The following FSTL4 variants were observed in gnomAD, a reference collection of about 807,000 sequenced individuals.
FSTL4 encodes the protein follistatin-related protein 4.
FSTL4 carries 28 observed loss-of-function variants against 78.2 expected under a neutral mutation model. The observed-to-expected ratio is 0.36, with a 90% CI of 0.27 to 0.49. The LOEUF is 0.49. FSTL4 is among the 20% of genes least tolerant of loss of function. The probability of loss-of-function intolerance (pLI) is 0.98; values close to 1 mark genes in which losing one functional copy is unlikely to be tolerated. For missense variants in FSTL4, 922 were observed against 1,084.9 expected (o/e 0.85, Z 2.11); for synonymous variants, 422 against 440.5 (o/e 0.96, Z 0.53).
At chr5:133,504,432 G>A (rs1758569592) in intron 3 of FSTL4, among the ~76,000 whole-genome samples, 1 of 152,070 alleles carries the variant, frequency 6.6e-6, no homozygotes, top group Non-Finnish European at 1.5e-5. Context: ...GCTCTTCTAG[G>A]TTATTATAGT....
intron 3 of FSTL4, among the ~76,000 whole-genome samples, chr5:133,517,089 T>C (rs1171579556): frequency 1.4e-5 from 2 of 141,054 alleles, no homozygotes; most frequent in African/African-American, 2.7e-5. Flanking sequence ...AAAAAAAAAA[T>C]CGGCCTTATA....
chr5:133,685,400 C>G, the FSTL4 span, among the ~76,000 whole-genome samples: 12 of 152,282 alleles, frequency 7.9e-5, no homozygotes, highest in African/African-American at 2.9e-4. Flanking sequence ...CTAAAATGGT[C>G]CAAAGAGAAA....
the FSTL4 span, among the ~76,000 whole-genome samples, chr5:133,746,501 C>A: frequency 1.3e-5 from 2 of 152,056 alleles, no homozygotes; most frequent in Non-Finnish European, 2.9e-5. Flanking sequence ...AAAGTGCTTT[C>A]CAGAAATAGT....
chr5:133,439,331 C>T (rs934193328), intron 3 of FSTL4, among the ~76,000 whole-genome samples: 2 of 152,042 alleles, frequency 1.3e-5, no homozygotes, highest in African/African-American at 2.4e-5. Flanking sequence ...TTGACATGAC[C>T]GGGCCCAAAC....
chr5:133,712,199 A>C, the FSTL4 span, among the ~76,000 whole-genome samples: 1 of 152,264 alleles, frequency 6.6e-6, no homozygotes. Flanking sequence ...GTTTCCCATT[A>C]GCTCTAATGG....
the FSTL4 span, among the ~76,000 whole-genome samples, chr5:133,776,936 A>G: frequency 6.6e-6 from 1 of 152,098 alleles, no homozygotes. Flanking sequence ...TGTATGGCCT[A>G]CCCCTTTGTG....
Position 133,611,903 on chromosome 5 carries a change from C to T in FSTL4, c.-11+422G>A, listed in dbSNP as rs1181659505. Among the ~76,000 whole-genome samples the T allele has an allele frequency of 3.3e-5, 5 of 152,144 alleles. No homozygotes were observed. The East Asian group carries it at 7.8e-4, about 24-fold the overall frequency. Reference sequence around the variant, plus strand: ...GGCCCGGGCCGAGGGGCCGCGCTCGCCTGGCTCCGCCGGGGCCGCTCGGGG... The same window carrying T: ...GGCCCGGGCCGAGGGGCCGCGCTCGTCTGGCTCCGCCGGGGCCGCTCGGGG... On this transcript the variant is annotated intron_variant, in intron 1 of 15. Coordinates refer to ENST00000265342, the MANE Select transcript of FSTL4 (RefSeq NM_015082.2). This position sits in a 1 kb window ranked among gnomAD's most constrained non-coding sequence, Gnocchi z 4.9.
the FSTL4 span, among the ~76,000 whole-genome samples, chr5:133,750,649 C>T: frequency 6.6e-6 from 1 of 152,136 alleles, no homozygotes; most frequent in Non-Finnish European, 1.5e-5. Flanking sequence ...TCCAGGGGCC[C>T]AAAGGAGCCC....
At chr5:133,687,789 A>G in the FSTL4 span, among the ~76,000 whole-genome samples, 2 of 152,304 alleles carry the variant, frequency 1.3e-5, no homozygotes, top group African/African-American at 4.8e-5. Flanking sequence ...AGAGACGTCT[A>G]TTTCTCTCTT....
rs1755327418 is a variant in FSTL4, at chr5:133,372,269, G to GTATCTATGTATC, written c.409+28468_409+28469insGATACATAGATA. ...TCTATGTATGTATGTATGTATGTAT[G>GTATCTATGTATC]TATCTATCTATCTATCTATTTTTTA... On this transcript the variant is annotated intron_variant, in intron 4 of 15. Coordinates refer to ENST00000265342, the MANE Select transcript of FSTL4 (RefSeq NM_015082.2). Among the ~76,000 whole-genome samples, 540 of 143,030 alleles carry GTATCTATGTATC rather than the reference G, an allele frequency of 3.8e-3. 6 individuals are homozygous for GTATCTATGTATC. Among genetic ancestry groups the GTATCTATGTATC allele is most frequent in the African/African-American group, 0.013 (511 of 39,032 alleles). 93.8% of individuals were successfully genotyped at this position (143,030 alleles called of 152,430 possible). A position where few individuals can be genotyped will look rare whatever the true frequency, so the allele number is the denominator to read the frequency against.
rs770636760 is a variant in FSTL4 at position 133,400,834 on chromosome 5, C to G, written c.313G>C (p.Gly105Arg). 5 of 1,614,042 alleles carry G rather than the reference C, an allele frequency of 3.1e-6. No homozygotes were observed. The highest frequency in any genetic ancestry group is 4.2e-6 in the Non-Finnish European group (5 of 1,180,022). Residue 105 changes from glycine to arginine, a missense_variant, in exon 4 of 16, where the codon GGG (glycine) becomes CGG (arginine). By Grantham distance (125) the Gly-to-Arg change is moderately radical. Coordinates refer to ENST00000265342, the MANE Select transcript of FSTL4 (RefSeq NM_015082.2). ...TTACAGTGGTTTTCATAAAACCTCC[C>G]ATCAGAGCCGCACACAGGCACGTAG... ...PSYVPVCGSD[G>R]RFYENHCKLH...
chr5:133,409,472 C>T (rs969618078), intron 3 of FSTL4, among the ~76,000 whole-genome samples: 3 of 152,216 alleles, frequency 2.0e-5, no homozygotes, highest in Non-Finnish European at 2.9e-5. Flanking sequence ...ATTTCCAGAG[C>T]TTTCCCCCCA....
At chr5:133,460,478 C>T (rs548148632) in intron 3 of FSTL4, among the ~76,000 whole-genome samples, 24 of 152,334 alleles carry the variant, frequency 1.6e-4, no homozygotes, top group African/African-American at 5.5e-4. Context: ...CATTGCTTCT[C>T]GCATGAACAC....
the FSTL4 span, among the ~76,000 whole-genome samples, chr5:133,839,528 G>A: frequency 7.1e-6 from 1 of 141,746 alleles, no homozygotes; most frequent in Non-Finnish European, 1.6e-5. Context: ...ACAGAAAGTG[G>A]GTTGAGGGGC....
chr5:133,514,310 A>G (rs1758809576), intron 3 of FSTL4, among the ~76,000 whole-genome samples: 1 of 151,964 alleles, frequency 6.6e-6, no homozygotes, highest in Non-Finnish European at 1.5e-5. Flanking sequence ...GGCTCGAGAG[A>G]AGAGGATAAA....
At chr5:133,292,737 C>CA (rs35265254) in intron 6 of FSTL4, among the ~76,000 whole-genome samples, 80,895 of 145,224 alleles carry the variant, frequency 0.56, 22,585 homozygotes, top group Non-Finnish European at 0.63. Context: ...TGAAAAGAGA[C>CA]AAAAAAAAAA....
intron 3 of FSTL4, among the ~76,000 whole-genome samples, chr5:133,429,403 G>A (rs573548984): frequency 2.9e-4 from 44 of 152,170 alleles, no homozygotes; most frequent in South Asian, 1.3e-3. Flanking sequence ...TTTTCTTGGT[G>A]GGAACACAGG....
the FSTL4 span, among the ~76,000 whole-genome samples, chr5:133,753,144 A>G: frequency 6.6e-6 from 1 of 152,240 alleles, no homozygotes; most frequent in Non-Finnish European, 1.5e-5. Context: ...AGTTACCTGT[A>G]TGCATTATTC....
chr5:133,240,659 A>G (rs530458983), intron 7 of FSTL4, among the ~76,000 whole-genome samples: 1 of 152,286 alleles, frequency 6.6e-6, no homozygotes, highest in East Asian at 1.9e-4. Context: ...GGAGGCCCTT[A>G]TCTCTTAGCG....
Sources: gnomAD v4.1 joint callset for allele counts (sites outside exome capture counted in the v4.1 genomes callset) on GRCh38, gnomAD v4.1.1 for gene constraint, Gnocchi (gnomAD v3.1) non-coding constraint, MANE v1.5 for transcripts, NCBI Gene and HGNC (gene_info 2026-07-23, HGNC 2026-07-21) for gene names.